Variants in ZNF680 observed in about 807,000 individuals in gnomAD.
ZNF680 encodes zinc finger protein 680.
Under a neutral mutation model 12.1 loss-of-function variants are expected in ZNF680, and 6 were observed. The observed-to-expected ratio is 0.49, with a 90% confidence interval of 0.27 to 0.98. The LOEUF is 0.98. ZNF680 is among the 50% of genes least tolerant of loss of function. ZNF680 has a pLI of 0.12. For synonymous variants in ZNF680, 170 were observed against 199.3 expected (o/e 0.85, Z 1.24); for missense variants, 561 against 616.3 (o/e 0.91, Z 0.95).
Position 64,523,194 on chromosome 7 carries a change from TATAA to T in ZNF680, c.254-698_254-695del, listed in dbSNP as rs1363512418. On this transcript the variant is annotated intron_variant, in intron 3 of 3. Transcript: ENST00000309683. ...TGAAAGATAAAGTCATAGAAAGTAT[TATAA>T]ATGTCTATTAATATACAACATAAAA... 5.3e-5 allele frequency among the ~76,000 whole-genome samples: 8 copies of T among 152,230 alleles called. No homozygotes were observed. In the East Asian group the frequency reaches 1.3e-3, roughly 26 times the overall value.
the ZNF680 span, chr7:64,501,091 G>A: frequency 2.1e-6 from 2 of 947,876 alleles, no homozygotes; most frequent in East Asian, 4.9e-5. Flanking sequence ...AGAGCCAAAA[G>A]TGAACGGAGG....
chr7:64,501,667 G>GA, the ZNF680 span: 1 of 1,026,700 alleles, frequency 9.7e-7, no homozygotes, highest in South Asian at 1.3e-5. Context: ...GACCAAGGAT[G>GA]AAAAAGAGGC....
At chr7:64,558,700 G>T (rs553175910) in intron 1 of ZNF680, among the ~76,000 whole-genome samples, 65 of 151,770 alleles carry the variant, frequency 4.3e-4, no homozygotes, top group African/African-American at 1.5e-3. Flanking sequence ...ACAGATTTAT[G>T]TAATAAAAAT....
At chr7:64,523,046 T>C (rs1194294171) in intron 3 of ZNF680, among the ~76,000 whole-genome samples, 1 of 151,944 alleles carries the variant, frequency 6.6e-6, no homozygotes, top group African/African-American at 2.4e-5. Context: ...GAAAATAACA[T>C]GACAGAAAAC....
the ZNF680 span, among the ~76,000 whole-genome samples, chr7:64,499,490 G>A: frequency 8.5e-5 from 13 of 152,240 alleles, no homozygotes; most frequent in African/African-American, 1.9e-4. Context: ...GGGCACGGTG[G>A]CTGACGCCTG....
chr7:64,521,820 G>A lies in ZNF680; in HGVS notation c.934C>T (p.His312Tyr), dbSNP rs748671864. The A allele has an allele frequency of 3.7e-6, 6 of 1,613,356 alleles. No individual in the cohort carries two copies. The Admixed American group carries it at 8.3e-5, about 22-fold the overall frequency. The change falls in exon 4 of 4, where the codon CAT becomes TAT. Residue 312 changes from histidine to tyrosine, a missense_variant. Physicochemically the swap from His to Tyr is moderately conservative, Grantham distance 83. Transcript: ENST00000309683. The part of the protein sequence containing the change: ...AFNWFATLTN[H>Y]KRIHTGEKPF... ...TTCTCTCCAGTATGAATTCTCTTAT[G>A]GTTAGTAAGGGTTGCAAACCAGTTA...
At chr7:64,524,293 A>G (rs1381073168) in intron 3 of ZNF680, among the ~76,000 whole-genome samples, 1 of 151,762 alleles carries the variant, frequency 6.6e-6, no homozygotes, top group Non-Finnish European at 1.5e-5. Context: ...GATTACAGGC[A>G]CCCACCACCA....
intron 1 of ZNF680, among the ~76,000 whole-genome samples, chr7:64,559,010 A>G (rs1263638633): frequency 1.3e-5 from 2 of 152,296 alleles, no homozygotes; most frequent in African/African-American, 4.8e-5. Flanking sequence ...CTACATTCCC[A>G]TGAGGCTCTG....
intron 1 of ZNF680, among the ~76,000 whole-genome samples, chr7:64,549,429 G>C (rs982219633): frequency 6.6e-6 from 1 of 152,174 alleles, no homozygotes; most frequent in South Asian, 2.1e-4. Context: ...ACTCTCAAAA[G>C]GGAACTTTAA....
chr7:64,510,919 AAAT>A, the ZNF680 span, among the ~76,000 whole-genome samples: 78 of 19,788 alleles, frequency 3.9e-3, 13 homozygotes, highest in African/African-American at 0.044. Context: ...CAAAAAAAAA[AAAT>A]AAAAAATAAA....
rs1791747888 is a variant in ZNF680, at chr7:64,524,862, A to C, written c.254-2362T>G. On this transcript the variant is annotated intron_variant, in intron 3 of 3. Transcript: ENST00000309683. ...CAAAATGAAATGAGTATAGAACAGT[A>C]AGAAGAAAAAACTGAAAAATTCACA... 2.0e-5 allele frequency: 3 copies of C among 152,190 alleles called. No individual in the cohort carries two copies. The South Asian group carries it at 6.2e-4, about 31-fold the overall frequency. The allele number at this position is 152,190 out of a possible 1,614,324, so 9.4% of individuals were successfully genotyped here. A position where few individuals can be genotyped will look rare whatever the true frequency, so the allele number is the denominator to read the frequency against.
the ZNF680 span, among the ~76,000 whole-genome samples, chr7:64,508,115 T>A: frequency 2.0e-5 from 2 of 101,474 alleles, no homozygotes; most frequent in Admixed American, 1.0e-4. Context: ...ATATATATAT[T>A]TTAAAATGTA....
chr7:64,504,682 GTA>G, the ZNF680 span, among the ~76,000 whole-genome samples: 1 of 152,110 alleles, frequency 6.6e-6, no homozygotes, highest in East Asian at 1.9e-4. Flanking sequence ...GAAAAAACTG[GTA>G]TCTCTGCAAA....
intron 3 of ZNF680, among the ~76,000 whole-genome samples, chr7:64,529,319 G>T (rs1785738994): frequency 6.6e-6 from 1 of 152,130 alleles, no homozygotes; most frequent in African/African-American, 2.4e-5. Context: ...AGGAATCCCT[G>T]TTTTACCTGA....
intron 3 of ZNF680, among the ~76,000 whole-genome samples, chr7:64,538,068 T>C (rs1196897947): frequency 6.6e-6 from 1 of 151,792 alleles, no homozygotes; most frequent in African/African-American, 2.4e-5. Context: ...AAAATAACGT[T>C]GAAATCAGGT....
At chr7:64,529,939 C>G (rs1785774282) in intron 3 of ZNF680, among the ~76,000 whole-genome samples, 1 of 152,196 alleles carries the variant, frequency 6.6e-6, no homozygotes, top group African/African-American at 2.4e-5. Flanking sequence ...ATCAGATTAA[C>G]AGCAGATTTC....
At position 64,550,102 on chromosome 7, in the gene ZNF680, T is replaced by C. The variant is rs955882693; in HGVS notation, c.31-5670A>G. On this transcript the variant is annotated intron_variant, in intron 1 of 3. Coordinates refer to ENST00000309683, the MANE Select transcript of ZNF680 (RefSeq NM_178558.5). ...TTCAAATTGTCAAAAATCTACACTT[T>C]GCTTAGCAGCAGTTACAAGTGGATT... is the stretch of plus-strand genomic sequence containing the variant. 8.5e-5 allele frequency among the ~76,000 whole-genome samples: 13 copies of C among 152,370 alleles called. No homozygotes were observed. The East Asian group carries it at 1.7e-3, about 20-fold the overall frequency.
intron 1 of ZNF680, among the ~76,000 whole-genome samples, chr7:64,558,477 C>T (rs540796170): frequency 6.6e-6 from 1 of 152,232 alleles, no homozygotes; most frequent in Middle Eastern, 3.4e-3. Flanking sequence ...AAAGACCCAG[C>T]TCTTTCTAGG....
intron 3 of ZNF680, among the ~76,000 whole-genome samples, chr7:64,543,306 CA>C (rs1449962996): frequency 6.6e-6 from 1 of 151,760 alleles, no homozygotes; most frequent in Non-Finnish European, 1.5e-5. Context: ...AAAAATGAAC[CA>C]AAAAAATGGA....
Sources: allele counts gnomAD v4.1 joint callset (sites outside exome capture counted in the v4.1 genomes callset), GRCh38; gene constraint gnomAD v4.1.1; transcripts MANE v1.5; gene names NCBI Gene and HGNC (gene_info 2026-07-23, HGNC 2026-07-21).